MTHFD1L: variants seen among roughly 807,000 people sequenced by gnomAD.
MTHFD1L encodes methylenetetrahydrofolate dehydrogenase (NADP+ dependent) 1 like.
A neutral mutation model predicts 119.5 loss-of-function variants in MTHFD1L; 81 were observed. The ratio of observed to expected loss-of-function variants is 0.68; its 90% CI spans 0.57 to 0.82. The LOEUF (loss-of-function observed/expected upper bound fraction) is 0.82. Ranked by LOEUF, MTHFD1L falls within the 40% of genes least tolerant of loss-of-function variation. The probability of loss-of-function intolerance (pLI) is 0.00; values close to 1 mark genes in which losing one functional copy is unlikely to be tolerated. For missense variants in MTHFD1L, 1,125 were observed against 1,253.4 expected (o/e 0.90, Z 1.55); for synonymous variants, 430 against 475.2 (o/e 0.90, Z 1.24).
chr6:151,002,894 G>C (rs896809404), intron 20 of MTHFD1L, among the ~76,000 whole-genome samples: 92 of 152,194 alleles, frequency 6.0e-4, no homozygotes, highest in African/African-American at 2.2e-3. Context: ...TTCCTTGTTG[G>C]CGGGGGGAGG....
At chr6:150,887,638 G>A (rs1205696387) in intron 6 of MTHFD1L, among the ~76,000 whole-genome samples, 1 of 152,096 alleles carries the variant, frequency 6.6e-6, no homozygotes, top group Non-Finnish European at 1.5e-5. Context: ...TATATTTTTA[G>A]TGGAGGCGGG....
Position 150,882,792 on chromosome 6 carries a change from G to A in MTHFD1L, c.448G>A (p.Asp150Asn). ...AGATGAAATCTTAAAGATCAATGAA[G>A]ATACCAGAGTACATGGCCTTGCCCT... ...IIDEILKINE[D>N]TRVHGLALQI... is the part of the protein sequence containing the mutation. The change falls in exon 5 of 28, where the codon GAT becomes AAT. Residue 150 changes from aspartate (D) to asparagine (N), a missense_variant. This residue lies in a region of MTHFD1L where 1,058 missense variants were observed against 1,151.2 expected (regional missense o/e 0.92). Transcript: ENST00000367321. 1 of 1,545,682 alleles carries A rather than the reference G, an allele frequency of 6.5e-7. No homozygotes were observed. Among genetic ancestry groups the A allele is most frequent in the Non-Finnish European group, 8.7e-7 (1 of 1,154,942 alleles).
At chr6:150,914,880 C>T (rs9478852) in intron 8 of MTHFD1L, among the ~76,000 whole-genome samples, 1 of 152,096 alleles carries the variant, frequency 6.6e-6, no homozygotes, top group Admixed American at 6.5e-5. Flanking sequence ...AAATTCCTCT[C>T]CTGTGGTTAC....
At chr6:150,946,249 A>C (rs1389434670) in intron 15 of MTHFD1L, among the ~76,000 whole-genome samples, 280 of 100,064 alleles carry the variant, frequency 2.8e-3, no homozygotes, top group Non-Finnish European at 4.9e-3. Context: ...TTCCTGGTTC[A>C]AGTGATTCTC....
intron 7 of MTHFD1L, among the ~76,000 whole-genome samples, chr6:150,895,143 T>C (rs888826264): frequency 6.6e-6 from 1 of 152,176 alleles, no homozygotes; most frequent in Non-Finnish European, 1.5e-5. Context: ...ACACCCAGCG[T>C]CCTGGGCCCT....
chr6:151,025,822 A>G (rs1271449895), intron 24 of MTHFD1L, among the ~76,000 whole-genome samples: 1 of 152,224 alleles, frequency 6.6e-6, no homozygotes, highest in Non-Finnish European at 1.5e-5. Flanking sequence ...GTGGGGCCTC[A>G]TTAAGAGATG....
At chr6:150,870,762 T>G (rs1399833639) in intron 1 of MTHFD1L, among the ~76,000 whole-genome samples, 2 of 151,558 alleles carry the variant, frequency 1.3e-5, no homozygotes, top group African/African-American at 4.8e-5. Flanking sequence ...AATACAAAAA[T>G]TAGCCAGGCA....
chr6:150,955,544 G>A lies in MTHFD1L; in HGVS notation c.1727-451G>A, dbSNP rs142274763. Among the ~76,000 whole-genome samples the A allele has an allele frequency of 8.8e-3, 1,321 of 149,420 alleles. 11 individuals are homozygous for A. Among genetic ancestry groups the A allele is most frequent in the African/African-American group, 0.03 (1,215 of 40,260 alleles). On this transcript the variant is annotated intron_variant, in intron 16 of 27. Coordinates refer to ENST00000367321, the MANE Select transcript of MTHFD1L (RefSeq NM_015440.5). Reference sequence around the variant, plus strand: ...AGAGGGGGTCTCACTCTGTCGCCCAGGCTGGAGTGCAGTGGTGCAATCTCA... The same window carrying A: ...AGAGGGGGTCTCACTCTGTCGCCCAAGCTGGAGTGCAGTGGTGCAATCTCA...
intron 24 of MTHFD1L, chr6:151,021,958 G>C: frequency 4.3e-6 from 2 of 468,200 alleles, no homozygotes; most frequent in Admixed American, 4.7e-5. Context: ...ACATTTTAAG[G>C]TGTAGCCTTG....
intron 22 of MTHFD1L, among the ~76,000 whole-genome samples, chr6:151,014,175 C>A (rs1159133074): frequency 6.6e-6 from 1 of 152,150 alleles, no homozygotes; most frequent in Non-Finnish European, 1.5e-5. Flanking sequence ...CCACTGTACT[C>A]CAGCCTGGAC....
intron 1 of MTHFD1L, among the ~76,000 whole-genome samples, chr6:150,873,821 C>T (rs544945625): frequency 2.0e-5 from 3 of 152,214 alleles, no homozygotes; most frequent in South Asian, 2.1e-4. Context: ...AGGTGTGCAC[C>T]ACCATGCCTG....
intron 1 of MTHFD1L, chr6:150,866,281 G>A: frequency 2.7e-6 from 4 of 1,467,018 alleles, no homozygotes; most frequent in Non-Finnish European, 3.6e-6. Flanking sequence ...GCGCAGGTGG[G>A]CGTGGGCATC....
At chr6:151,057,195 T>C (rs1383088535) in intron 26 of MTHFD1L, 2 of 985,092 alleles carry the variant, frequency 2.0e-6, no homozygotes, top group Non-Finnish European at 2.4e-6. Flanking sequence ...GTATTTTCCA[T>C]GATCCTGATT....
chr6:150,868,415 C>T (rs555586707), intron 1 of MTHFD1L, among the ~76,000 whole-genome samples: 37 of 150,788 alleles, frequency 2.5e-4, no homozygotes, highest in Non-Finnish European at 5.0e-4. Context: ...TCTCGGCTCA[C>T]TGCAACCTCC....
Position 150,865,992 on chromosome 6 carries a change from C to T in MTHFD1L, c.170C>T (p.Ala57Val). The T allele has an allele frequency of 7.4e-7, 1 of 1,344,936 alleles. No homozygotes were observed. Among genetic ancestry groups the T allele is most frequent in the South Asian group, 1.9e-5 (1 of 53,098 alleles). The allele number at this position is 1,344,936 out of a possible 1,614,324, so 83.3% of individuals were successfully genotyped here. The part of the protein sequence containing the change: ...LGQRRPQDGQ[A>V]RSSCSPGGRT... The stretch of plus-strand genomic sequence containing the variant: ...CAGCGGCGGCCGCAGGATGGCCAGG[C>T]CCGGAGCAGCTGCAGCCCCGGCGGC... The change falls in exon 1 of 28, where the codon GCC becomes GTC. Residue 57 changes from alanine (A) to valine (V), a missense_variant. This residue lies in a region of MTHFD1L where 1,058 missense variants were observed against 1,151.2 expected (regional missense o/e 0.92). Coordinates refer to ENST00000367321, the MANE Select transcript of MTHFD1L (RefSeq NM_015440.5).
intron 20 of MTHFD1L, among the ~76,000 whole-genome samples, chr6:150,975,159 T>C (rs6911608): frequency 0.3 from 45,167 of 151,960 alleles, 7,073 homozygotes; most frequent in East Asian, 0.63. Flanking sequence ...TTATGAATAA[T>C]GCTGCTATGA....
In MTHFD1L at chr6:150,967,995, C is replaced by T. The variant is rs548590269; in HGVS notation, c.2013+2958C>T. Among the ~76,000 whole-genome samples the T allele has an allele frequency of 7.6e-4, 115 of 152,178 alleles. 2 individuals are homozygous for T. Among genetic ancestry groups the T allele is most frequent in the Non-Finnish European group, 7.2e-4 (49 of 67,994 alleles). ...CGCTCCTTGTCCCTTATCCTCATCT[C>T]TCATCCTCTGGGGGACCTTTGCACG... On this transcript the variant is annotated intron_variant, in intron 19 of 27. Coordinates refer to ENST00000367321, the MANE Select transcript of MTHFD1L (RefSeq NM_015440.5).
chr6:151,031,567 A>G (rs1198994622), intron 24 of MTHFD1L, among the ~76,000 whole-genome samples: 1 of 152,248 alleles, frequency 6.6e-6, no homozygotes, highest in Non-Finnish European at 1.5e-5. Context: ...GAGAGTTTTA[A>G]CAAAGATTGG....
chr6:151,067,618 C>A (rs1237067159), intron 26 of MTHFD1L, among the ~76,000 whole-genome samples: 2 of 152,210 alleles, frequency 1.3e-5, no homozygotes, highest in Non-Finnish European at 2.9e-5. Flanking sequence ...GCCACTGTGG[C>A]CAGCTAATCA....
Sources: allele counts gnomAD v4.1 joint callset (sites outside exome capture counted in the v4.1 genomes callset), GRCh38; gene constraint gnomAD v4.1.1; regional missense constraint gnomAD v4.1.1; transcripts MANE v1.5; gene names NCBI Gene and HGNC (gene_info 2026-07-23, HGNC 2026-07-21).